Variants in SLCO3A1 observed in about 807,000 individuals in gnomAD.
The protein encoded by SLCO3A1 is PGE1 transporter.
SLCO3A1 carries 27 observed loss-of-function variants against 63.1 expected under a neutral mutation model. The ratio of observed to expected loss-of-function variants is 0.43; its 90% CI spans 0.32 to 0.59. SLCO3A1 has a LOEUF of 0.59. SLCO3A1 is among the 20% of genes least tolerant of loss of function. The probability of loss-of-function intolerance (pLI) is 0.09; values close to 1 mark genes in which losing one functional copy is unlikely to be tolerated. For synonymous variants in SLCO3A1, 473 were observed against 409.9 expected, an observed-to-expected ratio of 1.15 and a Z score of -1.86; for missense variants, 773 against 945.8, an observed-to-expected ratio of 0.82 and a Z score of 2.40.
intron 1 of SLCO3A1, among the ~76,000 whole-genome samples, chr15:91,873,567 T>C (rs796705084): frequency 0.014 from 1,475 of 102,278 alleles, 11 homozygotes; most frequent in African/African-American, 0.042. Flanking sequence ...CACACACACA[T>C]ACATACATAC....
At chr15:91,915,670 G>A (rs951305676) in intron 1 of SLCO3A1, among the ~76,000 whole-genome samples, 3 of 152,146 alleles carry the variant, frequency 2.0e-5, no homozygotes, top group Admixed American at 6.5e-5. Flanking sequence ...TGGGCTGTCT[G>A]TGGTGGAGGT....
rs546882405 is a variant in SLCO3A1 at position 92,159,999 on chromosome 15, A to G, written c.1754-2757A>G. 4.6e-5 allele frequency among the ~76,000 whole-genome samples: 7 copies of G among 152,214 alleles called. No homozygotes were observed. The South Asian group carries it at 1.4e-3, about 32-fold the overall frequency. On this transcript the variant is annotated intron_variant, in intron 9 of 9. Transcript: ENST00000318445. Reference sequence around the variant, plus strand: ...GTATGCAAGTATCCATGCATTATAGAGCAAGGGACACCTGTACCCTCAGTT... The same window carrying G: ...GTATGCAAGTATCCATGCATTATAGGGCAAGGGACACCTGTACCCTCAGTT...
chr15:92,016,258 A>ATAGATAGAT lies in SLCO3A1; in HGVS notation c.647-78622_647-78614dup, dbSNP rs1567068094. On this transcript the variant is annotated intron_variant, in intron 2 of 9. Transcript: ENST00000318445. ...ATAGATAGATAGATAGATAGATTAG[A>ATAGATAGAT]TAGATAGATAGATAGATAGATAGAT... Among the ~76,000 whole-genome samples the ATAGATAGAT allele has an allele frequency of 5.5e-3, 700 of 126,220 alleles. 9 individuals are homozygous for ATAGATAGAT. The highest frequency in any genetic ancestry group is 0.019 in the African/African-American group (560 of 30,240). The allele number at this position is 126,220 out of a possible 152,430, so 82.8% of individuals were successfully genotyped here.
At chr15:91,915,229 A>ACTTTTCT (rs1390417010) in intron 1 of SLCO3A1, among the ~76,000 whole-genome samples, 1 of 151,922 alleles carries the variant, frequency 6.6e-6, no homozygotes, top group East Asian at 1.9e-4. Context: ...TCTCTCCATC[A>ACTTTTCT]CTTTTCTCTT....
At chr15:91,880,401 C>CTGTGTGTGTGTG (rs796110200) in intron 1 of SLCO3A1, among the ~76,000 whole-genome samples, 2,524 of 133,216 alleles carry the variant, frequency 0.019, 38 homozygotes, top group South Asian at 0.052. Context: ...CTCTCTCTCT[C>CTGTGTGTGTGTG]TCTCTCTCTG....
chr15:92,054,862 G>A (rs2047003418), intron 2 of SLCO3A1, among the ~76,000 whole-genome samples: 2 of 152,188 alleles, frequency 1.3e-5, no homozygotes, highest in Non-Finnish European at 2.9e-5. Context: ...TGATGGGCAT[G>A]TGGGTTGATT....
At chr15:92,095,188 A>G (rs1241859038) in intron 3 of SLCO3A1, among the ~76,000 whole-genome samples, 1 of 152,220 alleles carries the variant, frequency 6.6e-6, no homozygotes, top group African/African-American at 2.4e-5. Flanking sequence ...GCCAACATCT[A>G]CCTAGAGGCT....
At chr15:92,126,012 T>C (rs779224201) in intron 5 of SLCO3A1, 49 bp from the exon 6 acceptor site, 3 of 1,525,558 alleles carry the variant, frequency 2.0e-6, no homozygotes, top group South Asian at 1.1e-5. Flanking sequence ...GTCTGTAGAC[T>C]GGCCCCACCT....
intron 2 of SLCO3A1, among the ~76,000 whole-genome samples, chr15:91,978,052 C>T (rs1460570455): frequency 5.9e-5 from 9 of 152,152 alleles, no homozygotes; most frequent in Non-Finnish European, 2.9e-5. Flanking sequence ...GATAATTTTC[C>T]AAACAAAATG....
chr15:92,116,850 A>C (rs1270769681), intron 4 of SLCO3A1, among the ~76,000 whole-genome samples: 2 of 152,212 alleles, frequency 1.3e-5, no homozygotes, highest in Non-Finnish European at 2.9e-5. Flanking sequence ...AGCGAACCCA[A>C]GAGGAAACTG....
Position 91,892,407 on chromosome 15 carries a change from C to T in SLCO3A1, c.181-23586C>T, listed in dbSNP as rs1409300737. 3.3e-5 allele frequency among the ~76,000 whole-genome samples: 5 copies of T among 152,280 alleles called. No homozygotes were observed. In the East Asian group the frequency reaches 9.7e-4, roughly 29 times the overall value. ...GGTACGTGAAGAGTCCCTGCCCAGGCCATGTACCCTGGAATTTTCCCAGAA... is the reference window on the plus strand; with the variant it reads ...GGTACGTGAAGAGTCCCTGCCCAGGTCATGTACCCTGGAATTTTCCCAGAA... On this transcript the variant is annotated intron_variant, in intron 1 of 9. Coordinates refer to ENST00000318445, the MANE Select transcript of SLCO3A1 (RefSeq NM_013272.4).
At chr15:92,020,410 G>A (rs1449630098) in intron 2 of SLCO3A1, among the ~76,000 whole-genome samples, 1 of 152,246 alleles carries the variant, frequency 6.6e-6, no homozygotes, top group Non-Finnish European at 1.5e-5. Context: ...TTGTTTGGCA[G>A]AAACACTAAA....
Position 91,916,228 on chromosome 15 carries a change from A to G in SLCO3A1, c.416A>G (p.Glu139Gly). 1.3e-6 allele frequency: 2 copies of G among 1,575,192 alleles called. No homozygotes were observed. Among genetic ancestry groups the G allele is most frequent in the Admixed American group, 3.7e-5 (2 of 54,544 alleles). The part of the protein sequence containing the change: ...LTHQYKYEAG[E>G]IRWGAEGRDV... ...CACCAGTACAAGTACGAGGCGGGCG[A>G]GATCCGCTGGGGCGCCGAGGGCCGC... The change falls in exon 2 of 10, where the codon GAG becomes GGG. Residue 139 changes from glutamate to glycine, a missense_variant. Physicochemically the swap from Glu to Gly is moderately conservative, Grantham distance 98. Transcript: ENST00000318445. This position sits in a 1 kb window ranked among gnomAD's most constrained non-coding sequence, Gnocchi z 6.2.
intron 2 of SLCO3A1, among the ~76,000 whole-genome samples, chr15:91,931,838 T>A (rs1380765459): frequency 7.8e-6 from 1 of 128,044 alleles, no homozygotes; most frequent in Non-Finnish European, 1.7e-5. Flanking sequence ...CAGGAGTAGA[T>A]GAAGGGAAAA....
chr15:92,060,365 G>A (rs1002501955), intron 2 of SLCO3A1, among the ~76,000 whole-genome samples: 1 of 152,116 alleles, frequency 6.6e-6, no homozygotes, highest in East Asian at 1.9e-4. Context: ...TTCAAGACCA[G>A]CCTGGCCAAC....
At chr15:92,053,701 T>TTG (rs1597264620) in intron 2 of SLCO3A1, among the ~76,000 whole-genome samples, 3 of 151,294 alleles carry the variant, frequency 2.0e-5, no homozygotes, top group East Asian at 1.9e-4. Flanking sequence ...TGTTTGTTTT[T>TTG]TTTTTTTTTA....
intron 2 of SLCO3A1, among the ~76,000 whole-genome samples, chr15:92,094,383 C>T (rs189056709): frequency 9.3e-4 from 142 of 152,252 alleles, no homozygotes; most frequent in Admixed American, 3.3e-3. Flanking sequence ...TGCTGAATTT[C>T]GGAGTCTTGA....
intron 2 of SLCO3A1, among the ~76,000 whole-genome samples, chr15:92,007,767 A>T (rs945705019): frequency 6.6e-6 from 1 of 152,190 alleles, no homozygotes; most frequent in Admixed American, 6.5e-5. Flanking sequence ...CATGCATTAA[A>T]TTATTAAAAT....
chr15:92,156,041 G>T (rs931275078), intron 9 of SLCO3A1, among the ~76,000 whole-genome samples: 2 of 152,286 alleles, frequency 1.3e-5, no homozygotes, highest in African/African-American at 4.8e-5. Flanking sequence ...TTGGTCTGGG[G>T]TGATTTGTGA....
Sources: gnomAD v4.1 joint callset for allele counts (sites outside exome capture counted in the v4.1 genomes callset) on GRCh38, gnomAD v4.1.1 for gene constraint, Gnocchi (gnomAD v3.1) non-coding constraint, MANE v1.5 for transcripts, NCBI Gene and HGNC (gene_info 2026-07-23, HGNC 2026-07-21) for gene names.